Variants in KANK4 observed in about 807,000 individuals in gnomAD.
The protein encoded by KANK4 is KN motif and ankyrin repeat domains 4.
Under a neutral mutation model 80.8 loss-of-function variants are expected in KANK4, and 50 were observed. The observed-to-expected ratio is 0.62, with a 90% CI of 0.49 to 0.78. KANK4 has a LOEUF of 0.78. Among genes scored for constraint, KANK4 ranks in the 30% least tolerant of loss-of-function variants. The pLI is 0.00. For missense variants in KANK4, 1,196 were observed against 1,240.1 expected (o/e 0.96, Z 0.53); for synonymous variants, 465 against 506.9 (o/e 0.92, Z 1.11).
At chr1:62,290,690 C>A (rs1479503540) in intron 1 of KANK4, among the ~76,000 whole-genome samples, 3 of 151,948 alleles carry the variant, frequency 2.0e-5, no homozygotes, top group African/African-American at 7.3e-5. Context: ...CGTGTTGAAT[C>A]AAATAAATAG....
intron 4 of KANK4, among the ~76,000 whole-genome samples, chr1:62,270,708 C>T (rs1672140747): frequency 6.6e-6 from 1 of 151,970 alleles, no homozygotes; most frequent in Admixed American, 6.6e-5. Context: ...CTGATGTTTC[C>T]CCTTGTTGGC....
At chr1:62,266,849 T>G in intron 5 of KANK4, 30 bp from the exon 6 acceptor site, 4 of 1,273,986 alleles carry the variant, frequency 3.1e-6, no homozygotes, top group Non-Finnish European at 4.5e-6. Context: ...ATACACATAT[T>G]TATATAATCA....
At chr1:62,253,349 G>T in intron 7 of KANK4, 140 bp from the exon 8 acceptor site, 1 of 574,602 alleles carries the variant, frequency 1.7e-6, no homozygotes, top group Non-Finnish European at 2.8e-6. Flanking sequence ...GGAGCCAGTG[G>T]TTTACATTTG....
chr1:62,264,746 T>C (rs1176906397), intron 6 of KANK4, among the ~76,000 whole-genome samples: 1 of 152,246 alleles, frequency 6.6e-6, no homozygotes, highest in Admixed American at 6.5e-5. Flanking sequence ...CCTTTATCCA[T>C]GGGATCTTCA....
chr1:62,263,817 T>C (rs887309762), intron 6 of KANK4, among the ~76,000 whole-genome samples: 5 of 152,168 alleles, frequency 3.3e-5, no homozygotes, highest in Non-Finnish European at 7.3e-5. Context: ...ATGCTTGAAA[T>C]AAAACCCAAA....
chr1:62,302,845 C>A (rs1196036070), intron 1 of KANK4, among the ~76,000 whole-genome samples: 1 of 152,082 alleles, frequency 6.6e-6, no homozygotes. Context: ...AAATAGTTTA[C>A]CCAGGTTAGC....
At chr1:62,268,747 T>C (rs1672089914) in intron 4 of KANK4, among the ~76,000 whole-genome samples, 1 of 152,196 alleles carries the variant, frequency 6.6e-6, no homozygotes, top group Non-Finnish European at 1.5e-5. Flanking sequence ...ACTGTGCTTA[T>C]TGTCAAAATA....
chr1:62,289,080 CTGTTT>C (rs1209431396), intron 1 of KANK4, among the ~76,000 whole-genome samples: 1 of 152,060 alleles, frequency 6.6e-6, no homozygotes, highest in Non-Finnish European at 1.5e-5. Flanking sequence ...TGTTGTTGTT[CTGTTT>C]TGTTTTGTTT....
At chr1:62,271,450 C>A (rs1214990529) in intron 4 of KANK4, 28 bp downstream of exon 4, 1 of 1,434,862 alleles carries the variant, frequency 7.0e-7, no homozygotes, top group African/African-American at 1.4e-5. Context: ...GCAAGAAAGG[C>A]AGTCTGAGCT....
At chr1:62,287,216 T>A (rs1672589268) in intron 1 of KANK4, among the ~76,000 whole-genome samples, 1 of 152,190 alleles carries the variant, frequency 6.6e-6, no homozygotes, top group South Asian at 2.1e-4. Flanking sequence ...AACCCTGTGC[T>A]GCTCCCGGAC....
rs141699992 is a variant in KANK4, at chr1:62,268,361, G to T, written c.2157C>A (p.Gly719=). The T allele has an allele frequency of 1.4e-4, 230 of 1,614,070 alleles. No homozygotes were observed. The African/African-American group carries it at 2.8e-3, about 19-fold the overall frequency. The change falls in exon 5 of 10, where the codon GGC becomes GGA. Residue 719 remains glycine, a synonymous_variant. Coordinates refer to ENST00000371153, the MANE Select transcript of KANK4 (RefSeq NM_181712.5). ...CAGCATGGCAGGTGCCCTCAGGGATGCCCTGCCCAGCCTCGCAGGTGAGAT... is the reference window on the plus strand; with the variant it reads ...CAGCATGGCAGGTGCCCTCAGGGATTCCCTGCCCAGCCTCGCAGGTGAGAT... ...DAHLTCEAGQ[G]IPEGTCHAAQ... is the part of the protein sequence containing the mutation.
At chr1:62,262,574 A>T (rs1234222825) in intron 7 of KANK4, among the ~76,000 whole-genome samples, 1 of 152,128 alleles carries the variant, frequency 6.6e-6, no homozygotes, top group African/African-American at 2.4e-5. Context: ...TGTTATATAT[A>T]TAAAAAATAA....
intron 1 of KANK4, among the ~76,000 whole-genome samples, chr1:62,286,271 G>A (rs1056716069): frequency 1.3e-5 from 2 of 152,194 alleles, no homozygotes; most frequent in Admixed American, 6.5e-5. Flanking sequence ...GCCAGGTTTC[G>A]GCTGCAGGGC....
intron 9 of KANK4, among the ~76,000 whole-genome samples, chr1:62,247,267 C>A (rs1314521289): frequency 3.3e-5 from 5 of 151,604 alleles, no homozygotes; most frequent in African/African-American, 1.2e-4. Context: ...TTCTGCTGGC[C>A]GGCAAGGCAC....
intron 2 of KANK4, among the ~76,000 whole-genome samples, chr1:62,280,421 T>C (rs948949380): frequency 6.6e-6 from 1 of 152,178 alleles, no homozygotes; most frequent in African/African-American, 2.4e-5. Flanking sequence ...GTGGGACCAC[T>C]GCCAGGGATG....
chr1:62,275,127 T>G, intron 2 of KANK4, 40 bp from the exon 3 acceptor site: 3 of 1,481,010 alleles, frequency 2.0e-6, no homozygotes, highest in Non-Finnish European at 2.7e-6. Flanking sequence ...AAAGCACAAA[T>G]TTAATTAAGC....
intron 1 of KANK4, among the ~76,000 whole-genome samples, chr1:62,299,787 G>A (rs1571040812): frequency 6.6e-6 from 1 of 151,022 alleles, no homozygotes; most frequent in Middle Eastern, 3.4e-3. Context: ...GAAATTTGTA[G>A]GTAGGATGTT....
intron 7 of KANK4, among the ~76,000 whole-genome samples, chr1:62,254,043 T>C (rs1446512312): frequency 6.6e-6 from 1 of 152,102 alleles, no homozygotes; most frequent in Non-Finnish European, 1.5e-5. Flanking sequence ...CTAATGGCTG[T>C]GTTTGTAGGT....
At chr1:62,253,755 AG>A (rs1671685027) in intron 7 of KANK4, among the ~76,000 whole-genome samples, 1 of 152,196 alleles carries the variant, frequency 6.6e-6, no homozygotes, top group Admixed American at 6.5e-5. Flanking sequence ...ATACCCAGCA[AG>A]GGAGGCCCAC....
Sources: allele counts gnomAD v4.1 joint callset (sites outside exome capture counted in the v4.1 genomes callset), GRCh38; gene constraint gnomAD v4.1.1; transcripts MANE v1.5; gene names NCBI Gene and HGNC (gene_info 2026-07-23, HGNC 2026-07-21).